The following EPHA1 variants were observed in gnomAD, a reference collection of about 807,000 sequenced individuals.
The protein encoded by EPHA1 is ephrin type-A receptor 1.
Under a neutral mutation model 110.1 loss-of-function variants are expected in EPHA1, and 92 were observed. That is an observed-to-expected ratio of 0.84 (90% CI 0.71 to 0.99). The LOEUF (loss-of-function observed/expected upper bound fraction) is 0.99. EPHA1 is among the 50% of genes least tolerant of loss of function. EPHA1 has a pLI of 0.00. For synonymous variants in EPHA1, 500 were observed against 516.1 expected (o/e 0.97, Z 0.42); for missense variants, 1,204 against 1,285.4 (o/e 0.94, Z 0.97).
At position 143,401,447 on chromosome 7, in the gene EPHA1, CACGGTGA is replaced by C; in HGVS notation, c.302_308del (p.Phe101CysfsTer43). On this transcript the variant is annotated frameshift_variant, in exon 3 of 18. Transcript: ENST00000275815. LOFTEE classifies it high-confidence loss of function. The surrounding 1 kb of genome is among the most constrained non-coding windows in gnomAD (Gnocchi z 4.1). ...CCCCAGGGAAACTCTTGCAGTCCCGCACGGTGAACTGCAGCTCCACGTGGACGCGGGA... is the reference window on the plus strand; with the variant it reads ...CCCCAGGGAAACTCTTGCAGTCCCGCACTGCAGCTCCACGTGGACGCGGGA... 1 of 1,614,156 alleles carries C rather than the reference CACGGTGA, an allele frequency of 6.2e-7. No individual in the cohort carries two copies. Among genetic ancestry groups the C allele is most frequent in the Non-Finnish European group, 8.5e-7 (1 of 1,180,052 alleles).
chr7:143,407,238 G>C (rs3935067), intron 2 of EPHA1, among the ~76,000 whole-genome samples: 40,617 of 152,004 alleles, frequency 0.27, 6,606 homozygotes, highest in Middle Eastern at 0.38. Context: ...CTCAGATTGA[G>C]GATGCTTTTC....
At chr7:143,400,850 A>G (rs1345833321) in intron 3 of EPHA1, 1 of 170,030 alleles carries the variant, frequency 5.9e-6, no homozygotes, top group Non-Finnish European at 1.3e-5. Flanking sequence ...ACGGCACAGC[A>G]GAAAAGATAC....
chr7:143,391,754 G>T lies in EPHA1; in HGVS notation c.2718C>A (p.Ser906Arg), dbSNP rs1167311375. 2 of 1,613,890 alleles carry T rather than the reference G, an allele frequency of 1.2e-6. No individual in the cohort carries two copies. The highest frequency in any genetic ancestry group is 1.3e-5 in the African/African-American group (1 of 75,056). ...ATGGGATCCCATCTGAGCCACTCAGGCTGGGCAGGCGAAGAGTCATCCTGT... is the reference window on the plus strand; with the variant it reads ...ATGGGATCCCATCTGAGCCACTCAGTCTGGGCAGGCGAAGAGTCATCCTGT... ...FDPRMTLRLP[S>R]LSGSDGIPYR... Residue 906 changes from serine (S) to arginine (R), a missense_variant, in exon 17 of 18, where the codon AGC becomes AGA. By Grantham distance (110) the Ser-to-Arg change is moderately radical. Coordinates refer to ENST00000275815, the MANE Select transcript of EPHA1 (RefSeq NM_005232.5).
At chr7:143,396,345 A>G (rs1805244722) in intron 11 of EPHA1, 40 bp downstream of exon 11, 2 of 1,601,662 alleles carry the variant, frequency 1.2e-6, no homozygotes, top group Non-Finnish European at 1.7e-6. Flanking sequence ...GTGCTGCCCC[A>G]CATGGCGGGG....
At chr7:143,400,125 C>T (rs1432425434) in intron 3 of EPHA1, 72 bp from the exon 4 acceptor site, 3 of 1,492,838 alleles carry the variant, frequency 2.0e-6, no homozygotes, top group Non-Finnish European at 9.0e-7. Context: ...CAGAAACAAT[C>T]GTTTGCTTAA....
In EPHA1 at chr7:143,399,666, C is replaced by T. The variant is rs757685325; in HGVS notation, c.820G>A (p.Gly274Ser). Reference protein sequence around the residue: ...CEPGYEEGGSGEACVACPSGS... With the variant: ...CEPGYEEGGSSEACVACPSGS... ...CCGTTCTTACCAACACATGCTTCGC[C>T]ACTGCCACCTTCCTCATAGCCAGGC... Residue 274 changes from glycine to serine, a missense_variant, in exon 4 of 18, where the codon GGC becomes AGC. Physicochemically the swap from Gly to Ser is moderately conservative, Grantham distance 56 (BLOSUM62 0). Transcript: ENST00000275815. 9.9e-6 allele frequency: 16 copies of T among 1,613,396 alleles called. No individual in the cohort carries two copies. The South Asian group carries it at 1.5e-4, about 16-fold the overall frequency.
Position 143,394,342 on chromosome 7 carries a change from C to T in EPHA1, c.2354G>A (p.Gly785Glu). The change falls in exon 15 of 18, where the codon GGA (glycine) becomes GAA (glutamate). Residue 785 changes from glycine (G) to glutamate (E), a missense_variant and splice_region_variant. Transcript: ENST00000275815. The stretch of plus-strand genomic sequence containing the variant: ...TGTCCAACGGATAGGGATCTTTCCT[C>T]CCTAAGAAGGCACATGGGTCAGGGA... ...DDFDGTYETQGGKIPIRWTAP... is the reference protein window; with the variant it reads ...DDFDGTYETQEGKIPIRWTAP... The T allele has an allele frequency of 6.2e-7, 1 of 1,613,486 alleles. No individual in the cohort carries two copies. Among genetic ancestry groups the T allele is most frequent in the Non-Finnish European group, 8.5e-7 (1 of 1,179,638 alleles).
At position 143,399,740 on chromosome 7, in the gene EPHA1, C is replaced by T; in HGVS notation, c.746G>A (p.Cys249Tyr). The T allele has an allele frequency of 6.2e-7, 1 of 1,613,894 alleles. No individual in the cohort carries two copies. Among genetic ancestry groups the T allele is most frequent in the Non-Finnish European group, 8.5e-7 (1 of 1,180,030 alleles). Residue 249 changes from cysteine to tyrosine, a missense_variant, in exon 4 of 18, where the codon TGC becomes TAC. Transcript: ENST00000275815. The part of the protein sequence containing the change: ...PRPSGAPRMH[C>Y]SPDGEWLVPV... ...CACCAGCCACTCGCCATCAGGGCTG[C>T]AGTGCATGCGGGGTGCACCTGAGGG...
chr7:143,395,610 AGAAGC>A lies in EPHA1; in HGVS notation c.1898-111_1898-107del. On this transcript the variant is annotated intron_variant, in intron 11 of 17. Transcript: ENST00000275815. This position sits in a 1 kb window ranked among gnomAD's most constrained non-coding sequence, Gnocchi z 4.7. The stretch of plus-strand genomic sequence containing the variant: ...CGGCCCTTTTCTTTTCTGGAGAATC[AGAAGC>A]GTGGAGTGCCCTTCCTGGGACAGGG... 8.2e-7 allele frequency: 1 copy of A among 1,215,054 alleles called. No individual in the cohort carries two copies. Among genetic ancestry groups the A allele is most frequent in the East Asian group, 2.5e-5 (1 of 40,302 alleles). 75.3% of individuals were successfully genotyped at this position (1,215,054 alleles called of 1,614,324 possible).
chr7:143,405,518 G>A (rs541288083), intron 2 of EPHA1, among the ~76,000 whole-genome samples: 1 of 152,214 alleles, frequency 6.6e-6, no homozygotes, highest in South Asian at 2.1e-4. Context: ...GTGTATGACT[G>A]CTGGCTGTCT....
In EPHA1 at chr7:143,398,068, A is replaced by G. The variant is rs780285210; in HGVS notation, c.1467T>C (p.Asp489=). The change falls in exon 8 of 18, where the codon GAT becomes GAC. Residue 489 remains aspartate, a splice_region_variant and synonymous_variant. Transcript: ENST00000275815. ...CTAGAACCATCTGGTACCGTTCTTC[A>G]TCCTGTGGGTTGGAGTTGCATTAAG... ...LTYELHVLNQ[D]EERYQMVLEP... The G allele has an allele frequency of 6.2e-7, 1 of 1,613,996 alleles. No homozygotes were observed.
intron 10 of EPHA1, 43 bp downstream of exon 10, chr7:143,397,261 G>A (rs1805279079): frequency 1.3e-6 from 2 of 1,533,102 alleles, no homozygotes; most frequent in African/African-American, 1.4e-5. Context: ...ACACACAGGT[G>A]TGCACACGCA....
At chr7:143,407,494 T>C in intron 2 of EPHA1, 117 bp downstream of exon 2, 1 of 756,508 alleles carries the variant, frequency 1.3e-6, no homozygotes, top group Non-Finnish European at 2.1e-6. Flanking sequence ...TCCCCCTCCC[T>C]GAGGAGACAC....
Position 143,401,341 on chromosome 7 carries a change from G to T in EPHA1, c.415C>A (p.Arg139=), listed in dbSNP as rs551009816. ...SDQDVGIQLR[R]PLFQKVTTVA... ...AGCAGCACCTTCTGGAACAAGGGCC[G>T]TCGGAGCTGAATGCCCACATCCTGG... Residue 139 remains arginine, a synonymous_variant, in exon 3 of 18, where the codon CGG becomes AGG. Coordinates refer to ENST00000275815, the MANE Select transcript of EPHA1 (RefSeq NM_005232.5). This position sits in a 1 kb window ranked among gnomAD's most constrained non-coding sequence, Gnocchi z 4.1. 2 of 1,613,888 alleles carry T rather than the reference G, an allele frequency of 1.2e-6. No individual in the cohort carries two copies. Among genetic ancestry groups the T allele is most frequent in the Non-Finnish European group, 1.7e-6 (2 of 1,179,966 alleles).
Position 143,408,852 on chromosome 7 carries a change from G to GT in EPHA1, c.-48dup. 9.4e-7 allele frequency: 1 copy of GT among 1,062,206 alleles called. No homozygotes were observed. Among genetic ancestry groups the GT allele is most frequent in the Non-Finnish European group, 1.1e-6 (1 of 881,746 alleles). 65.8% of individuals were successfully genotyped at this position (1,062,206 alleles called of 1,614,324 possible). ...ACAGTGGCCCGGATGGCAGCGCCAG[G>GT]TTGCAAGGGACTAGGAGAGCCGGGC... On this transcript the variant is annotated 5_prime_UTR_variant, in exon 1 of 18. Transcript: ENST00000275815.
Position 143,399,664 on chromosome 7 carries a change from G to C in EPHA1, c.822C>G (p.Gly274=). The C allele has an allele frequency of 6.2e-7, 1 of 1,613,356 alleles. No homozygotes were observed. The highest frequency in any genetic ancestry group is 1.8e-4 in the Middle Eastern group (1 of 5,648). ...CEPGYEEGGS[G]EACVACPSGS... ...CTCCGTTCTTACCAACACATGCTTCGCCACTGCCACCTTCCTCATAGCCAG... is the reference window on the plus strand; with the variant it reads ...CTCCGTTCTTACCAACACATGCTTCCCCACTGCCACCTTCCTCATAGCCAG... Residue 274 remains glycine (G), a synonymous_variant, in exon 4 of 18, where the codon GGC becomes GGG. Transcript: ENST00000275815.
intron 1 of EPHA1, among the ~76,000 whole-genome samples, 152 bp downstream of exon 1, chr7:143,408,569 AGTC>A (rs921615060): frequency 6.6e-6 from 1 of 151,480 alleles, no homozygotes; most frequent in Non-Finnish European, 1.5e-5. Context: ...GGGCCTGGCC[AGTC>A]GATAGCCTGG....
chr7:143,397,499 G>A, intron 9 of EPHA1, 62 bp downstream of exon 9: 4 of 1,601,714 alleles, frequency 2.5e-6, no homozygotes, highest in Non-Finnish European at 3.4e-6. Flanking sequence ...AGGGTCGTTG[G>A]GGCTGCAGTC....
rs1337634256 is a variant in EPHA1, at chr7:143,407,591, T to G, written c.150+20A>C. On this transcript the variant is annotated intron_variant, in intron 2 of 17. Transcript: ENST00000275815. ...GGCCTTCAGGAGTTTTCCAAGATCCTTCCCTCTTCCGACACTTACCCCATC... is the reference window on the plus strand; with the variant it reads ...GGCCTTCAGGAGTTTTCCAAGATCCGTCCCTCTTCCGACACTTACCCCATC... The G allele has an allele frequency of 1.2e-6, 2 of 1,612,238 alleles. No homozygotes were observed. The highest frequency in any genetic ancestry group is 1.7e-6 in the Non-Finnish European group (2 of 1,179,048).
Sources: gnomAD v4.1 joint callset for allele counts (sites outside exome capture counted in the v4.1 genomes callset) on GRCh38, gnomAD v4.1.1 for gene constraint, Gnocchi (gnomAD v3.1) non-coding constraint, MANE v1.5 for transcripts, NCBI Gene and HGNC (gene_info 2026-07-23, HGNC 2026-07-21) for gene names.